STAT6: variants seen among roughly 807,000 people sequenced by gnomAD.
STAT6 encodes the protein STAT, interleukin4-induced.
In STAT6, 45 loss-of-function variants were observed where a neutral mutation model predicts 106.3. The ratio of observed to expected loss-of-function variants is 0.42; its 90% CI spans 0.33 to 0.54. STAT6 has a LOEUF of 0.54. Ranked by LOEUF, STAT6 falls within the 20% of genes least tolerant of loss-of-function variation. STAT6 has a pLI of 0.06. For synonymous variants in STAT6, 413 were observed against 413.6 expected, an observed-to-expected ratio of 1.00 and a Z score of 0.02; for missense variants, 797 against 1,062.2, an observed-to-expected ratio of 0.75 and a Z score of 3.47.
chr12:57,107,361 T>A (rs777759535), intron 3 of STAT6, 47 bp from the exon 4 acceptor site: 1 of 1,554,090 alleles, frequency 6.4e-7, no homozygotes, highest in Non-Finnish European at 8.9e-7. Context: ...CTTACCCATG[T>A]CCTTCAATCC....
Position 57,102,926 on chromosome 12 carries a change from A to AGAG in STAT6, c.1213-8_1213-6dup. 6.5e-7 allele frequency: 1 copy of AGAG among 1,540,556 alleles called. No homozygotes were observed. Among genetic ancestry groups the AGAG allele is most frequent in the Non-Finnish European group, 8.8e-7 (1 of 1,134,688 alleles). ...CACCAGGGGCAGAGACAGGGCCTGA[A>AGAG]GAGGGTGAGGACAGGGGTTTCTTTT... On this transcript the variant is annotated splice_polypyrimidine_tract_variant and splice_region_variant and intron_variant, in intron 11 of 21. Transcript: ENST00000300134.
Position 57,106,702 on chromosome 12 carries a change from C to T in STAT6, c.469G>A (p.Ala157Thr), listed in dbSNP as rs1382133707. 6.2e-7 allele frequency: 1 copy of T among 1,614,172 alleles called. No homozygotes were observed. Among genetic ancestry groups the T allele is most frequent in the South Asian group, 1.1e-5 (1 of 91,078 alleles). ...LREALQKGAE[A>T]GQVSLHSLIE... is the part of the protein sequence containing the mutation. ...CCACCCTGGCCCCCACCTTGGCCAGCCTCAGCCCCCTTCTGCAGGGCTTCT... is the reference window on the plus strand; with the variant it reads ...CCACCCTGGCCCCCACCTTGGCCAGTCTCAGCCCCCTTCTGCAGGGCTTCT... The change falls in exon 5 of 22, where the codon GCT becomes ACT. Residue 157 changes from alanine to threonine, a missense_variant. Physicochemically the swap from Ala to Thr is moderately conservative, Grantham distance 58 (BLOSUM62 0). Around this residue, in one of 4 missense-constraint regions of STAT6, gnomAD observed 336 missense variants for 429.8 expected, o/e 0.78. Transcript: ENST00000300134.
At chr12:57,105,832 T>C in intron 7 of STAT6, 2 of 740,080 alleles carry the variant, frequency 2.7e-6, no homozygotes, top group South Asian at 2.0e-5. Flanking sequence ...CAGCTGCCTC[T>C]CCCCCGACGG....
Position 57,102,368 on chromosome 12 carries a change from G to C in STAT6, c.1434C>G (p.Ala478=). 1.2e-6 allele frequency: 2 copies of C among 1,614,136 alleles called. No homozygotes were observed. The highest frequency in any genetic ancestry group is 1.7e-6 in the Non-Finnish European group (2 of 1,180,030). Residue 478 remains alanine (A), a synonymous_variant, in exon 13 of 22, where the codon GCC becomes GCG. Coordinates refer to ENST00000300134, the MANE Select transcript of STAT6 (RefSeq NM_003153.5). The part of the protein sequence containing the change: ...GLLPEHFLFL[A]QKIFNDNSLS... ...GGCTGTTGTCATTGAAGATCTTCTG[G>C]GCCAGGAAGAGGAAGTGCTCTGGGA...
intron 4 of STAT6, 141 bp from the exon 5 acceptor site, chr12:57,106,972 T>C: frequency 7.3e-7 from 1 of 1,365,708 alleles, no homozygotes; most frequent in Non-Finnish European, 9.9e-7. Flanking sequence ...TGGAATATCG[T>C]GGAGATAAGA....
Position 57,096,897 on chromosome 12 carries a change from T to A in STAT6, c.2307A>T (p.Glu769Asp). 6.2e-7 allele frequency: 1 copy of A among 1,614,180 alleles called. No homozygotes were observed. The highest frequency in any genetic ancestry group is 1.7e-5 in the Admixed American group (1 of 60,032). ...TCACTGGCTGGCTCAGGCAGCTGTC[T>A]TCCACCATGGTCACATCTGAGCAGA... ...PLLCSDVTMVEDSCLSQPVTA... is the reference protein window; with the variant it reads ...PLLCSDVTMVDDSCLSQPVTA... The change falls in exon 21 of 22, where the codon GAA becomes GAT. Residue 769 changes from glutamate (E) to aspartate (D), a missense_variant. Around this residue, in one of 4 missense-constraint regions of STAT6, gnomAD observed 226 missense variants for 236.7 expected, o/e 0.95. Transcript: ENST00000300134.
chr12:57,103,222 T>C (rs703816), intron 11 of STAT6: 79,516 of 209,726 alleles, frequency 0.38, 17,169 homozygotes, highest in Non-Finnish European at 0.45. Context: ...TGGAGTGCAG[T>C]GGCGCGATCT....
At chr12:57,106,461 G>A (rs921752397) in intron 6 of STAT6, 67 bp downstream of exon 6, 2 of 1,608,776 alleles carry the variant, frequency 1.2e-6, no homozygotes, top group Non-Finnish European at 1.7e-6. Context: ...GTGTCTTTCT[G>A]AGGTCTAGCT....
intron 1 of STAT6, among the ~76,000 whole-genome samples, chr12:57,110,716 C>G (rs183463214): frequency 2.0e-5 from 3 of 152,232 alleles, no homozygotes; most frequent in Non-Finnish European, 4.4e-5. Context: ...TGCTCACGCC[C>G]CAGCCACACC....
rs748915453 is a variant in STAT6 at position 57,096,569 on chromosome 12, G to C, written c.*3C>G. ...TCTCTTTGGGTTCTCCCTCCAGCTG[G>C]GATCACCAACTGGGGTTGGCCCTTA... On this transcript the variant is annotated 3_prime_UTR_variant, in exon 22 of 22. Transcript: ENST00000300134. 36 of 1,582,328 alleles carry C rather than the reference G, an allele frequency of 2.3e-5. No homozygotes were observed. Among genetic ancestry groups the C allele is most frequent in the Non-Finnish European group, 2.8e-5 (33 of 1,166,636 alleles).
chr12:57,105,377 G>C, intron 8 of STAT6, 38 bp from the exon 9 acceptor site: 1 of 1,609,964 alleles, frequency 6.2e-7, no homozygotes, highest in Non-Finnish European at 8.5e-7. Flanking sequence ...TTGGGGGCTA[G>C]GTCCCTGCTG....
At chr12:57,101,663 C>CTTTTT (rs1228510878) in intron 13 of STAT6, among the ~76,000 whole-genome samples, 2 of 127,576 alleles carry the variant, frequency 1.6e-5, no homozygotes, top group Admixed American at 7.9e-5. Flanking sequence ...CATGCCTGGC[C>CTTTTT]TTTTTTTTTT....
chr12:57,107,869 A>T, intron 2 of STAT6, 126 bp from the exon 3 acceptor site: 4 of 1,348,778 alleles, frequency 3.0e-6, no homozygotes, highest in Non-Finnish European at 4.0e-6. Context: ...GGCCCTCTGT[A>T]GCTTTCACCC....
intron 13 of STAT6, 118 bp from the exon 14 acceptor site, chr12:57,100,208 G>A (rs1432530734): frequency 3.7e-6 from 3 of 819,938 alleles, no homozygotes; most frequent in Non-Finnish European, 6.1e-6. Context: ...GGATCAGACC[G>A]AACCTGAGAC....
chr12:57,107,849 T>G, intron 2 of STAT6, 106 bp from the exon 3 acceptor site: 1 of 1,481,166 alleles, frequency 6.8e-7, no homozygotes, highest in Non-Finnish European at 9.1e-7. Context: ...CGCTCCTTAT[T>G]CTCCATCTAG....
chr12:57,098,106 AAG>A (rs1210114853), intron 19 of STAT6, among the ~76,000 whole-genome samples: 1 of 152,218 alleles, frequency 6.6e-6, no homozygotes, highest in African/African-American at 2.4e-5. Flanking sequence ...GAAACTGCCA[AAG>A]ACAGAAAATG....
At position 57,106,203 on chromosome 12, in the gene STAT6, G is replaced by A. The variant is rs774936922; in HGVS notation, c.668C>T (p.Pro223Leu). 2.5e-6 allele frequency: 4 copies of A among 1,614,126 alleles called. No individual in the cohort carries two copies. Among genetic ancestry groups the A allele is most frequent in the Non-Finnish European group, 2.5e-6 (3 of 1,180,024 alleles). ...NGAPFEESLA[P>L]LQERCESLVD... ...GCCCTAGCCCAACCTCTCCTGGAGT[G>A]GGGCCAGGCTCTCCTCAAACGGTGC... is the stretch of plus-strand genomic sequence containing the variant. Residue 223 changes from proline (P) to leucine (L), a missense_variant, in exon 7 of 22, where the codon CCA (proline) becomes CTA (leucine). Physicochemically the swap from Pro to Leu is moderately conservative, Grantham distance 98. Coordinates refer to ENST00000300134, the MANE Select transcript of STAT6 (RefSeq NM_003153.5).
chr12:57,103,183 G>C, intron 11 of STAT6: 1 of 288,632 alleles, frequency 3.5e-6, no homozygotes, highest in Non-Finnish European at 6.3e-6. Flanking sequence ...ATTTATTTTT[G>C]AGACAGAGTC....
Position 57,106,202 on chromosome 12 carries a change from T to G in STAT6, c.669A>C (p.Pro223=). 1 of 1,614,014 alleles carries G rather than the reference T, an allele frequency of 6.2e-7. No individual in the cohort carries two copies. Among genetic ancestry groups the G allele is most frequent in the East Asian group, 2.2e-5 (1 of 44,872 alleles). ...NGAPFEESLA[P]LQERCESLVD... Reference sequence around the variant, plus strand: ...AGCCCTAGCCCAACCTCTCCTGGAGTGGGGCCAGGCTCTCCTCAAACGGTG... The same window carrying G: ...AGCCCTAGCCCAACCTCTCCTGGAGGGGGGCCAGGCTCTCCTCAAACGGTG... Residue 223 remains proline (P), a synonymous_variant, in exon 7 of 22, where the codon CCA becomes CCC. Transcript: ENST00000300134.
Sources: gnomAD v4.1 joint callset for allele counts (sites outside exome capture counted in the v4.1 genomes callset) on GRCh38, gnomAD v4.1.1 for gene constraint, gnomAD v4.1.1 regional missense constraint, MANE v1.5 for transcripts, NCBI Gene and HGNC (gene_info 2026-07-23, HGNC 2026-07-21) for gene names.